The following SLC4A10 variants were observed in gnomAD, a reference collection of about 807,000 sequenced individuals.
SLC4A10 encodes the protein sodium-driven chloride bicarbonate exchanger.
A neutral mutation model predicts 137.7 loss-of-function variants in SLC4A10; 42 were observed. That is an observed-to-expected ratio of 0.30 (90% CI 0.24 to 0.39). The LOEUF (loss-of-function observed/expected upper bound fraction) is 0.39, where lower values mean the gene tolerates loss of function less well. SLC4A10 is among the 10% of genes least tolerant of loss of function. SLC4A10 has a pLI of 1.00. For missense variants in SLC4A10, 925 were observed against 1,355.0 expected (o/e 0.68, Z 4.98); for synonymous variants, 474 against 464.1 (o/e 1.02, Z -0.27).
intron 23 of SLC4A10, among the ~76,000 whole-genome samples, chr2:161,971,317 A>C (rs898237855): frequency 6.6e-6 from 1 of 152,282 alleles, no homozygotes; most frequent in African/African-American, 2.4e-5. Context: ...TATATCTGAA[A>C]ACTGCTTTGG....
intron 2 of SLC4A10, 79 bp from the exon 3 acceptor site, chr2:161,804,370 C>A: frequency 1.4e-6 from 2 of 1,421,952 alleles, no homozygotes; most frequent in Non-Finnish European, 9.5e-7. Context: ...TAAATTGAGT[C>A]TCCATTAACA....
chr2:161,724,310 T>C (rs1340743914), intron 1 of SLC4A10, among the ~76,000 whole-genome samples: 3 of 152,184 alleles, frequency 2.0e-5, no homozygotes, highest in Admixed American at 2.0e-4. Context: ...ACTTTCAAGA[T>C]AATTTTTAGA....
chr2:161,765,513 A>G (rs1214335073), intron 1 of SLC4A10, among the ~76,000 whole-genome samples: 3 of 151,626 alleles, frequency 2.0e-5, no homozygotes, highest in African/African-American at 4.8e-5. Flanking sequence ...AGGCTGAGGC[A>G]GGAGAATTGG....
chr2:161,724,326 T>C lies in SLC4A10; in HGVS notation c.49-46647T>C, dbSNP rs150133006. On this transcript the variant is annotated intron_variant, in intron 1 of 26. Coordinates refer to ENST00000446997, the MANE Select transcript of SLC4A10 (RefSeq NM_001178015.2). ...CTTTCAAGATAATTTTTAGAGTTAT[T>C]TTCATGGCATAAAGGCACTTAGTGC... Among the ~76,000 whole-genome samples, 258 of 152,294 alleles carry C rather than the reference T, an allele frequency of 1.7e-3. 2 individuals carry two copies. Among genetic ancestry groups the C allele is most frequent in the Non-Finnish European group, 3.3e-3 (226 of 68,018 alleles).
intron 1 of SLC4A10, among the ~76,000 whole-genome samples, chr2:161,708,328 G>C (rs1302383138): frequency 6.6e-6 from 1 of 151,420 alleles, no homozygotes; most frequent in African/African-American, 2.4e-5. Context: ...TAATAATTAA[G>C]AGTTGACATT....
At chr2:161,839,241 T>C (rs555054787) in intron 3 of SLC4A10, among the ~76,000 whole-genome samples, 36 of 152,362 alleles carry the variant, frequency 2.4e-4, no homozygotes, top group African/African-American at 7.9e-4. Flanking sequence ...CGTTTCCACT[T>C]ACATGACATT....
At chr2:161,750,666 A>G (rs2048872622) in intron 1 of SLC4A10, among the ~76,000 whole-genome samples, 1 of 151,654 alleles carries the variant, frequency 6.6e-6, no homozygotes, top group South Asian at 2.1e-4. Flanking sequence ...TATACTGGAG[A>G]ATATTCTGTT....
At chr2:161,819,439 G>A (rs1575119468) in intron 3 of SLC4A10, among the ~76,000 whole-genome samples, 1 of 151,842 alleles carries the variant, frequency 6.6e-6, no homozygotes, top group African/African-American at 2.4e-5. Flanking sequence ...ATGTGATGAT[G>A]TTTAATTAAT....
chr2:161,741,496 GC>G (rs2047893113), intron 1 of SLC4A10, among the ~76,000 whole-genome samples: 3 of 151,894 alleles, frequency 2.0e-5, no homozygotes, highest in South Asian at 2.1e-4. Context: ...TTCCTGCCCA[GC>G]CCCACTCCCA....
At position 161,976,976 on chromosome 2, in the gene SLC4A10, A is replaced by G. The variant is rs560254582; in HGVS notation, c.3344+100A>G. 5.0e-5 allele frequency: 31 copies of G among 624,814 alleles called. 1 individual carries two copies. Among genetic ancestry groups the G allele is most frequent in the African/African-American group, 3.8e-4 (20 of 53,144 alleles). The allele number at this position is 624,814 out of a possible 1,614,324, so 38.7% of individuals were successfully genotyped here. ...ATATTAGTTTCCATCAAATTTAGAT[A>G]TAAAATATTCCAGAAAATTCTTTCC... On this transcript the variant is annotated intron_variant, in intron 25 of 26. Transcript: ENST00000446997.
chr2:161,675,402 T>C lies in SLC4A10; in HGVS notation c.48+50836T>C, dbSNP rs967005543. The stretch of plus-strand genomic sequence containing the variant: ...AGCACAGAAACAGCAACCCAAGGTT[T>C]CCTACGATCCATGTCTTGCCTTGGT... On this transcript the variant is annotated intron_variant, in intron 1 of 26. Coordinates refer to ENST00000446997, the MANE Select transcript of SLC4A10 (RefSeq NM_001178015.2). 3.3e-4 allele frequency among the ~76,000 whole-genome samples: 50 copies of C among 152,326 alleles called. 1 individual carries two copies. The highest frequency in any genetic ancestry group is 2.2e-4 in the Non-Finnish European group (15 of 68,026).
chr2:161,839,326 A>G (rs1189342000), intron 3 of SLC4A10, among the ~76,000 whole-genome samples: 1 of 152,224 alleles, frequency 6.6e-6, no homozygotes, highest in African/African-American at 2.4e-5. Context: ...AGGAATGACT[A>G]CAAAGGAGGA....
At chr2:161,669,728 C>T (rs2039477248) in intron 1 of SLC4A10, among the ~76,000 whole-genome samples, 1 of 151,860 alleles carries the variant, frequency 6.6e-6, no homozygotes. Flanking sequence ...ATATGCTGCT[C>T]TTATTTTTGT....
chr2:161,685,605 C>G (rs922596270), intron 1 of SLC4A10, among the ~76,000 whole-genome samples: 1 of 128,012 alleles, frequency 7.8e-6, no homozygotes, highest in Non-Finnish European at 1.6e-5. Flanking sequence ...GAGAGTCTGT[C>G]TCAGAAAAAC....
At chr2:161,649,081 A>C (rs2036451907) in intron 1 of SLC4A10, among the ~76,000 whole-genome samples, 2 of 152,188 alleles carry the variant, frequency 1.3e-5, no homozygotes, top group Non-Finnish European at 2.9e-5. Context: ...TTATTTAAAA[A>C]TTGTGGGCCA....
intron 1 of SLC4A10, among the ~76,000 whole-genome samples, chr2:161,739,625 C>G (rs1024925114): frequency 6.6e-6 from 1 of 152,140 alleles, no homozygotes; most frequent in Non-Finnish European, 1.5e-5. Flanking sequence ...TTTAGCACCC[C>G]CATACTTACC....
intron 11 of SLC4A10, among the ~76,000 whole-genome samples, chr2:161,895,905 C>G (rs1427592818): frequency 5.3e-5 from 8 of 151,806 alleles, no homozygotes; most frequent in Non-Finnish European, 1.2e-4. Context: ...TGTGCAGAAG[C>G]TCTTTAGTTT....
chr2:161,939,785 A>T (rs1457944107), intron 15 of SLC4A10, among the ~76,000 whole-genome samples: 2 of 152,110 alleles, frequency 1.3e-5, no homozygotes, highest in African/African-American at 2.4e-5. Flanking sequence ...TAATTATAGA[A>T]TGTAAAAATA....
intron 1 of SLC4A10, among the ~76,000 whole-genome samples, chr2:161,700,622 C>A (rs2043026379): frequency 6.6e-6 from 1 of 151,926 alleles, no homozygotes; most frequent in Non-Finnish European, 1.5e-5. Flanking sequence ...TCTTCTTTAA[C>A]CTTCAAAATA....
Sources: gnomAD v4.1 joint callset for allele counts (sites outside exome capture counted in the v4.1 genomes callset) on GRCh38, gnomAD v4.1.1 for gene constraint, MANE v1.5 for transcripts, NCBI Gene and HGNC (gene_info 2026-07-23, HGNC 2026-07-21) for gene names.